Variants in PDE4B observed in about 807,000 individuals in gnomAD.
PDE4B encodes the protein phosphodiesterase 4B, also known as 3',5'-cyclic-AMP phosphodiesterase 4B.
In PDE4B, 20 loss-of-function variants were observed where a neutral mutation model predicts 82.2. That is an observed-to-expected ratio of 0.24 (90% CI 0.17 to 0.35). PDE4B has a LOEUF of 0.35. Among genes scored for constraint, PDE4B ranks in the 10% least tolerant of loss-of-function variants. PDE4B has a pLI of 1.00. For missense variants in PDE4B, 655 were observed against 907.2 expected, an observed-to-expected ratio of 0.72 and a Z score of 3.57; for synonymous variants, 320 against 318.9, an observed-to-expected ratio of 1.00 and a Z score of -0.04.
intron 3 of PDE4B, among the ~76,000 whole-genome samples, chr1:66,085,715 A>G (rs532315680): frequency 6.6e-6 from 1 of 152,204 alleles, no homozygotes; most frequent in Admixed American, 6.5e-5. Context: ...TACTCTGACT[A>G]GAATGTTTCC....
chr1:65,915,484 C>T (rs1647149114), intron 2 of PDE4B, among the ~76,000 whole-genome samples: 2 of 152,104 alleles, frequency 1.3e-5, no homozygotes, highest in Non-Finnish European at 2.9e-5. Flanking sequence ...TACCTTATTC[C>T]ATTTTCTCAC....
At chr1:66,010,843 A>T (rs547579952) in intron 3 of PDE4B, among the ~76,000 whole-genome samples, 27 of 149,640 alleles carry the variant, frequency 1.8e-4, no homozygotes, top group African/African-American at 6.6e-4. Flanking sequence ...GGAGAGAAAG[A>T]TGATTAATCT....
chr1:65,793,791 G>A (rs1645601191), intron 1 of PDE4B, among the ~76,000 whole-genome samples: 1 of 152,228 alleles, frequency 6.6e-6, no homozygotes. Flanking sequence ...TGTTTGGTGA[G>A]GGGGCTTGGA....
intron 3 of PDE4B, among the ~76,000 whole-genome samples, chr1:66,166,432 C>T (rs867464375): frequency 2.0e-5 from 3 of 151,910 alleles, no homozygotes; most frequent in South Asian, 2.1e-4. Context: ...CTTCCAAGGA[C>T]GCTATTAAAA....
intron 3 of PDE4B, among the ~76,000 whole-genome samples, chr1:66,038,079 G>A (rs1158206093): frequency 1.3e-5 from 2 of 152,038 alleles, no homozygotes; most frequent in African/African-American, 2.4e-5. Flanking sequence ...GGGCATTAAG[G>A]TGGTGGAATA....
chr1:65,844,338 A>G (rs1454599010), intron 1 of PDE4B, among the ~76,000 whole-genome samples: 1 of 152,236 alleles, frequency 6.6e-6, no homozygotes, highest in Non-Finnish European at 1.5e-5. Context: ...ACACAAATAC[A>G]TTTTTGAAGA....
At chr1:66,302,307 T>C (rs1657953561) in intron 7 of PDE4B, among the ~76,000 whole-genome samples, 1 of 152,192 alleles carries the variant, frequency 6.6e-6, no homozygotes. Context: ...GAACCACAGA[T>C]GTGTCCTTGA....
At chr1:65,906,714 C>A (rs577175045) in intron 1 of PDE4B, among the ~76,000 whole-genome samples, 227 of 152,142 alleles carry the variant, frequency 1.5e-3, no homozygotes, top group African/African-American at 4.6e-3. Flanking sequence ...ATTAAGAATT[C>A]TTTCTTTTTT....
At chr1:66,271,036 C>T (rs979668981) in intron 7 of PDE4B, among the ~76,000 whole-genome samples, 2 of 152,198 alleles carry the variant, frequency 1.3e-5, no homozygotes, top group African/African-American at 4.8e-5. Flanking sequence ...AAATAGCCCT[C>T]TTATGAAAGT....
At chr1:66,290,308 A>T (rs553661814) in intron 7 of PDE4B, among the ~76,000 whole-genome samples, 176 of 152,260 alleles carry the variant, frequency 1.2e-3, no homozygotes, top group African/African-American at 3.8e-3. Flanking sequence ...TGGAGGTGAT[A>T]ATCATCATCA....
At chr1:65,850,666 T>C (rs1032399793) in intron 1 of PDE4B, among the ~76,000 whole-genome samples, 3 of 152,160 alleles carry the variant, frequency 2.0e-5, no homozygotes, top group African/African-American at 7.2e-5. Context: ...TATTTGTGTG[T>C]ATATGTGTGT....
intron 3 of PDE4B, among the ~76,000 whole-genome samples, chr1:66,124,970 A>G (rs1485864356): frequency 6.6e-6 from 1 of 150,978 alleles, no homozygotes; most frequent in African/African-American, 2.4e-5. Flanking sequence ...CAGCCTGTCC[A>G]GGGCTGGTTC....
At chr1:66,238,450 G>T (rs971590928) in intron 3 of PDE4B, among the ~76,000 whole-genome samples, 4 of 152,216 alleles carry the variant, frequency 2.6e-5, no homozygotes, top group African/African-American at 9.6e-5. Context: ...TGTGTTAAAA[G>T]ATTGCTCTTG....
intron 16 of PDE4B, among the ~76,000 whole-genome samples, chr1:66,371,525 C>T (rs905598557): frequency 6.6e-6 from 1 of 152,158 alleles, no homozygotes; most frequent in East Asian, 1.9e-4. Flanking sequence ...GGTATTTAAT[C>T]ACAGGAACAT....
intron 3 of PDE4B, among the ~76,000 whole-genome samples, chr1:65,989,721 C>T (rs1287660456): frequency 6.6e-6 from 1 of 152,216 alleles, no homozygotes; most frequent in East Asian, 1.9e-4. Flanking sequence ...CAAATAGATT[C>T]TATTTGCCTT....
At chr1:65,935,369 A>T (rs1356418748) in intron 3 of PDE4B, among the ~76,000 whole-genome samples, 1 of 152,126 alleles carries the variant, frequency 6.6e-6, no homozygotes, top group East Asian at 1.9e-4. Flanking sequence ...TGCAGAAAAA[A>T]AAAAAAAGAA....
At chr1:66,113,951 C>T (rs1339814496) in intron 3 of PDE4B, among the ~76,000 whole-genome samples, 2 of 152,174 alleles carry the variant, frequency 1.3e-5, no homozygotes, top group African/African-American at 2.4e-5. Flanking sequence ...AGCACTTCTA[C>T]TATTACGAAT....
At chr1:66,332,147 G>C in intron 7 of PDE4B, 1 of 1,357,302 alleles carries the variant, frequency 7.4e-7, no homozygotes, top group Non-Finnish European at 9.5e-7. Context: ...CTAAGGCAGA[G>C]AGAGTCTGAG....
intron 3 of PDE4B, among the ~76,000 whole-genome samples, chr1:66,016,315 G>A (rs912841675): frequency 2.6e-5 from 4 of 152,116 alleles, no homozygotes; most frequent in African/African-American, 9.7e-5. Flanking sequence ...TAAAAGAAAA[G>A]GTGAAGTTTG....
Sources: gnomAD v4.1 joint callset for allele counts (sites outside exome capture counted in the v4.1 genomes callset) on GRCh38, gnomAD v4.1.1 for gene constraint, MANE v1.5 for transcripts, NCBI Gene and HGNC (gene_info 2026-07-23, HGNC 2026-07-21) for gene names.